BRD7: variants seen among roughly 807,000 people sequenced by gnomAD.
The protein encoded by BRD7 is bromodomain-containing protein 7.
Under a neutral mutation model 82.1 loss-of-function variants are expected in BRD7, and 15 were observed. That is an observed-to-expected ratio of 0.18 (90% CI 0.12 to 0.28). The LOEUF (loss-of-function observed/expected upper bound fraction) is 0.28. Among genes scored for constraint, BRD7 ranks in the 10% least tolerant of loss-of-function variants. The pLI is 1.00. For missense variants in BRD7, 638 were observed against 779.9 expected, an observed-to-expected ratio of 0.82 and a Z score of 2.17; for synonymous variants, 232 against 266.9, an observed-to-expected ratio of 0.87 and a Z score of 1.27.
chr16:50,318,268 C>CTATT lies in BRD7; in HGVS notation c.*939_*942dup, dbSNP rs2036908361. ...TTGAGGGAATTAATTTTCCTTTACCCTATTTGTTCTTCCTAAATACTAATT... is the reference window on the plus strand; with the variant it reads ...TTGAGGGAATTAATTTTCCTTTACCCTATTTATTTGTTCTTCCTAAATACTAATT... On this transcript the variant is annotated 3_prime_UTR_variant, in exon 17 of 17. Coordinates refer to ENST00000394688, the MANE Select transcript of BRD7 (RefSeq NM_013263.5). 1 of 152,036 alleles carries CTATT rather than the reference C, an allele frequency of 6.6e-6. No individual in the cohort carries two copies. The highest frequency in any genetic ancestry group is 1.5e-5 in the Non-Finnish European group (1 of 67,974). 9.4% of individuals were successfully genotyped at this position (152,036 alleles called of 1,614,324 possible).
intron 8 of BRD7, among the ~76,000 whole-genome samples, chr16:50,330,205 G>T (rs1177560250): frequency 1.3e-5 from 2 of 152,162 alleles, no homozygotes; most frequent in Non-Finnish European, 2.9e-5. Flanking sequence ...GTGATTTGGG[G>T]TGATCTAAAA....
chr16:50,349,947 G>C, intron 5 of BRD7, 76 bp downstream of exon 5: 1 of 1,281,718 alleles, frequency 7.8e-7, no homozygotes, highest in South Asian at 1.8e-5. Context: ...AAAATAAAAG[G>C]TCAATGAGAA....
At chr16:50,349,111 T>C (rs540945652) in intron 5 of BRD7, 2 of 162,098 alleles carry the variant, frequency 1.2e-5, no homozygotes, top group South Asian at 3.2e-4. Flanking sequence ...TGTAGGGACA[T>C]GGATGAAGCT....
At chr16:50,347,104 A>C (rs1473933616) in intron 5 of BRD7, among the ~76,000 whole-genome samples, 1 of 152,242 alleles carries the variant, frequency 6.6e-6, no homozygotes, top group Non-Finnish European at 1.5e-5. Flanking sequence ...GGCTGGTTCA[A>C]TATATGCAAA....
chr16:50,354,695 A>C, intron 3 of BRD7, 98 bp downstream of exon 3: 1 of 1,465,288 alleles, frequency 6.8e-7, no homozygotes, highest in East Asian at 2.3e-5. Flanking sequence ...AAATTCAATC[A>C]CAAAGCTCCA....
At chr16:50,347,829 T>C (rs1449079039) in intron 5 of BRD7, among the ~76,000 whole-genome samples, 2 of 152,228 alleles carry the variant, frequency 1.3e-5, no homozygotes, top group Non-Finnish European at 2.9e-5. Flanking sequence ...AAAATGGCCA[T>C]AGTGCCCAAG....
intron 5 of BRD7, chr16:50,349,479 T>C (rs2038430869): frequency 4.3e-6 from 2 of 463,270 alleles, no homozygotes; most frequent in South Asian, 1.6e-5. Context: ...CCTGCTGCCA[T>C]GTGAAGACGT....
intron 6 of BRD7, among the ~76,000 whole-genome samples, chr16:50,339,011 C>T (rs2037934479): frequency 6.6e-6 from 1 of 152,198 alleles, no homozygotes; most frequent in Admixed American, 6.5e-5. Flanking sequence ...TCTCAGCTTA[C>T]CCTTCAAAGC....
chr16:50,339,277 C>T (rs1180221227), intron 6 of BRD7, among the ~76,000 whole-genome samples: 2 of 152,168 alleles, frequency 1.3e-5, no homozygotes, highest in African/African-American at 4.8e-5. Context: ...TGAAGGGACG[C>T]GTTCTGAGAA....
chr16:50,341,083 G>A (rs932794774), intron 5 of BRD7, among the ~76,000 whole-genome samples: 2 of 151,522 alleles, frequency 1.3e-5, no homozygotes, highest in African/African-American at 2.4e-5. Context: ...AGTGGATGAA[G>A]TATATGTGGA....
chr16:50,353,227 G>A (rs910299775), intron 4 of BRD7, among the ~76,000 whole-genome samples: 2 of 152,036 alleles, frequency 1.3e-5, no homozygotes, highest in Admixed American at 1.3e-4. Flanking sequence ...AACCACACTA[G>A]GATAATTTTT....
intron 10 of BRD7, 86 bp downstream of exon 10, chr16:50,326,198 C>A: frequency 5.7e-6 from 6 of 1,058,190 alleles, no homozygotes; most frequent in Non-Finnish European, 8.6e-6. Flanking sequence ...TGGTGCCCAC[C>A]TAGTGAATAA....
rs552048847 is a variant in BRD7 at position 50,346,736 on chromosome 16, A to G, written c.591+3287T>C. 4.6e-5 allele frequency among the ~76,000 whole-genome samples: 7 copies of G among 152,362 alleles called. No individual in the cohort carries two copies. The South Asian group carries it at 1.4e-3, about 32-fold the overall frequency. On this transcript the variant is annotated intron_variant, in intron 5 of 16. Transcript: ENST00000394688. The stretch of plus-strand genomic sequence containing the variant: ...AACCAGGAAGAAGCTGAATCCCTGA[A>G]TAGACCAATAAGAGGCTCTGAAATT...
intron 15 of BRD7, 35 bp from the exon 16 acceptor site, chr16:50,320,065 ATGG>A: frequency 1.3e-6 from 2 of 1,583,910 alleles, no homozygotes; most frequent in Non-Finnish European, 8.6e-7. Flanking sequence ...ATACTAAAGC[ATGG>A]TTCCTTTAGA....
Position 50,317,024 on chromosome 16 carries a change from G to A in BRD7, c.*2187C>T, listed in dbSNP as rs112731098. The A allele has an allele frequency of 8.7e-3, 1,330 of 152,430 alleles. 13 individuals are homozygous for A. The highest frequency in any genetic ancestry group is 0.011 in the South Asian group (53 of 4,818). 9.4% of individuals were successfully genotyped at this position (152,430 alleles called of 1,614,324 possible). A position where few individuals can be genotyped will look rare whatever the true frequency, so the allele number is the denominator to read the frequency against. On this transcript the variant is annotated 3_prime_UTR_variant, in exon 17 of 17. Transcript: ENST00000394688. ...TTGGGGTCCTGGGATGAGTTGCCCC[G>A]GGCTGCAAATTAAGAGTACAGCTAA...
intron 3 of BRD7, 145 bp from the exon 4 acceptor site, chr16:50,354,627 T>C: frequency 1.6e-6 from 2 of 1,222,574 alleles, no homozygotes; most frequent in Non-Finnish European, 1.1e-6. Context: ...TTTGAGAGTA[T>C]TAATCCAAAA....
chr16:50,333,534 A>C (rs1290904298), intron 8 of BRD7, 40 bp downstream of exon 8: 3 of 1,597,076 alleles, frequency 1.9e-6, no homozygotes, highest in Admixed American at 3.6e-5. Flanking sequence ...AGATGCCCCA[A>C]ATCAGTAGGT....
In BRD7 at chr16:50,357,989, A is replaced by T. The variant is rs906467917; in HGVS notation, c.259-3067T>A. 3.3e-5 allele frequency among the ~76,000 whole-genome samples: 5 copies of T among 152,058 alleles called. No homozygotes were observed. The East Asian group carries it at 7.7e-4, about 24-fold the overall frequency. ...AACAAGACTCTGTCTCAAAAACAAA[A>T]CAAATCAAAACAAAACAAAAACCCA... On this transcript the variant is annotated intron_variant, in intron 2 of 16. Transcript: ENST00000394688.
Position 50,321,997 on chromosome 16 carries a change from T to G in BRD7, c.1485A>C (p.Thr495=). 1 of 1,611,154 alleles carries G rather than the reference T, an allele frequency of 6.2e-7. No individual in the cohort carries two copies. The highest frequency in any genetic ancestry group is 1.7e-5 in the Admixed American group (1 of 59,006). ...EDEGHTRTLD[T]AKEMEITEVE... Reference sequence around the variant, plus strand: ...ATAAAATCACCTCCATTTCTTTTGCTGTGTCAAGTGTCCTAGTATGGCCTT... The same window carrying G: ...ATAAAATCACCTCCATTTCTTTTGCGGTGTCAAGTGTCCTAGTATGGCCTT... Residue 495 remains threonine, a synonymous_variant, in exon 13 of 17, where the codon ACA becomes ACC. Coordinates refer to ENST00000394688, the MANE Select transcript of BRD7 (RefSeq NM_013263.5).
Sources: gnomAD v4.1 joint callset for allele counts (sites outside exome capture counted in the v4.1 genomes callset) on GRCh38, gnomAD v4.1.1 for gene constraint, MANE v1.5 for transcripts, NCBI Gene and HGNC (gene_info 2026-07-23, HGNC 2026-07-21) for gene names.